The following CFDP1 variants were observed in gnomAD, a reference collection of about 807,000 sequenced individuals.
CFDP1 encodes the protein chromatin remodeling protein CFDP1, also known as heterochromatin-stabilizing protein CFDP1.
A neutral mutation model predicts 40.1 loss-of-function variants in CFDP1; 31 were observed. That is an observed-to-expected ratio of 0.77 (90% CI 0.58 to 1.04). The LOEUF is 1.04. Among genes scored for constraint, CFDP1 ranks in the 50% least tolerant of loss-of-function variants. The pLI is 0.00. For missense variants in CFDP1, 423 were observed against 343.4 expected (o/e 1.23, Z -1.83); for synonymous variants, 167 against 120.0 (o/e 1.39, Z -2.56).
At chr16:75,312,831 A>T (rs931495985) in intron 5 of CFDP1, among the ~76,000 whole-genome samples, 2 of 152,182 alleles carry the variant, frequency 1.3e-5, no homozygotes, top group African/African-American at 4.8e-5. Flanking sequence ...TGTAATTACT[A>T]AGACATGGAC....
chr16:75,305,011 T>C lies in CFDP1; in HGVS notation c.809+13A>G, dbSNP rs3743608. 22 of 1,613,150 alleles carry C rather than the reference T, an allele frequency of 1.4e-5. No homozygotes were observed. The East Asian group carries it at 4.7e-4, about 34-fold the overall frequency. The stretch of plus-strand genomic sequence containing the variant: ...TGAGGATTTTCCAAGGCATAAAACC[T>C]ACTCCTTCTTACCCCTCTTTCCCTC... On this transcript the variant is annotated intron_variant, in intron 6 of 6. Coordinates refer to ENST00000283882, the MANE Select transcript of CFDP1 (RefSeq NM_006324.3).
chr16:75,308,420 G>A (rs148130999), intron 5 of CFDP1, among the ~76,000 whole-genome samples: 256 of 152,252 alleles, frequency 1.7e-3, no homozygotes, highest in Non-Finnish European at 2.9e-3. Context: ...GTTCTGCTTT[G>A]AGGGGACTCT....
At chr16:75,327,460 GGACAGAAGGT>G (rs146960781) in intron 5 of CFDP1, among the ~76,000 whole-genome samples, 7,122 of 152,088 alleles carry the variant, frequency 0.047, 506 homozygotes, top group African/African-American at 0.16. Flanking sequence ...TGGGGGAAGG[GGACAGAAGGT>G]GAAGGATGGG....
intron 5 of CFDP1, among the ~76,000 whole-genome samples, chr16:75,370,259 A>T (rs2078742186): frequency 6.7e-6 from 1 of 150,212 alleles, no homozygotes; most frequent in African/African-American, 2.5e-5. Context: ...CACCCAGCTA[A>T]TTTTTGTATT....
chr16:75,327,328 C>G (rs936825457), intron 5 of CFDP1, among the ~76,000 whole-genome samples: 1 of 151,962 alleles, frequency 6.6e-6, no homozygotes, highest in African/African-American at 2.4e-5. Context: ...ATCCAAGAAA[C>G]AGAGTTCCAC....
At position 75,427,848 on chromosome 16, in the gene CFDP1, T is replaced by A. The variant is rs11862684; in HGVS notation, c.64+5441A>T. 3.3e-5 allele frequency among the ~76,000 whole-genome samples: 5 copies of A among 152,162 alleles called. No homozygotes were observed. The East Asian group carries it at 5.8e-4, about 18-fold the overall frequency. ...AAAAAATTGGAAACAACCCAGTGTC[T>A]TTCAAATGCAGAATAAACTGTGGTA... On this transcript the variant is annotated intron_variant, in intron 1 of 6. Coordinates refer to ENST00000283882, the MANE Select transcript of CFDP1 (RefSeq NM_006324.3).
Position 75,395,099 on chromosome 16 carries a change from G to T in CFDP1, c.641C>A (p.Ala214Asp), listed in dbSNP as rs781735213. Reference protein sequence around the residue: ...NVPSALPSLPAGSGLKRSSGM... With the variant: ...NVPSALPSLPDGSGLKRSSGM... ...AGACTCAAATACTCACCCTGACCCG[G>T]CAGGGAGTGATGGCAGAGCTGAAGG... Residue 214 changes from alanine (A) to aspartate (D), a missense_variant, in exon 5 of 7, where the codon GCC becomes GAC. Coordinates refer to ENST00000283882, the MANE Select transcript of CFDP1 (RefSeq NM_006324.3). 1.2e-6 allele frequency: 2 copies of T among 1,613,716 alleles called. No homozygotes were observed. The highest frequency in any genetic ancestry group is 2.2e-5 in the South Asian group (2 of 91,070).
At chr16:75,348,569 G>GC (rs2151524466) in intron 5 of CFDP1, among the ~76,000 whole-genome samples, 1 of 151,812 alleles carries the variant, frequency 6.6e-6, no homozygotes, top group South Asian at 2.1e-4. Context: ...ACCATAAGTT[G>GC]TTTTTTTCTT....
At chr16:75,417,545 T>C (rs2079221433) in intron 1 of CFDP1, among the ~76,000 whole-genome samples, 1 of 152,192 alleles carries the variant, frequency 6.6e-6, no homozygotes, top group South Asian at 2.1e-4. Context: ...CTTATATTTG[T>C]TTGTATATGG....
chr16:75,422,202 T>C (rs2079288091), intron 1 of CFDP1, among the ~76,000 whole-genome samples: 2 of 152,114 alleles, frequency 1.3e-5, no homozygotes, highest in South Asian at 4.1e-4. Flanking sequence ...GTTCAAGCTA[T>C]TCTCCTGCCT....
intron 1 of CFDP1, among the ~76,000 whole-genome samples, chr16:75,420,135 A>C (rs1246846308): frequency 6.6e-6 from 1 of 151,222 alleles, no homozygotes; most frequent in Non-Finnish European, 1.5e-5. Context: ...AAAAAAAAAA[A>C]ATTAAAAAGC....
chr16:75,319,466 A>ATGGTCGT (rs1240494301), intron 5 of CFDP1, among the ~76,000 whole-genome samples: 2 of 152,098 alleles, frequency 1.3e-5, no homozygotes, highest in Non-Finnish European at 2.9e-5. Flanking sequence ...AACGTGCTTT[A>ATGGTCGT]TGGTCGTTGC....
rs916018051 is a variant in CFDP1, at chr16:75,302,902, GT to G, written c.809+2121del. Among the ~76,000 whole-genome samples, 9 of 150,830 alleles carry G rather than the reference GT, an allele frequency of 6.0e-5. No individual in the cohort carries two copies. The East Asian group carries it at 9.8e-4, about 16-fold the overall frequency. On this transcript the variant is annotated intron_variant, in intron 6 of 6. Coordinates refer to ENST00000283882, the MANE Select transcript of CFDP1 (RefSeq NM_006324.3). ...ACAAGCTCATGAAGCTGTTTAAAAT[GT>G]TTTTTTTTAGGGCTGGGCGTGGTGG...
At chr16:75,303,792 T>C (rs1340613431) in intron 6 of CFDP1, among the ~76,000 whole-genome samples, 1 of 152,114 alleles carries the variant, frequency 6.6e-6, no homozygotes, top group African/African-American at 2.4e-5. Context: ...CACAACCACA[T>C]AGTGAGGATG....
At chr16:75,408,198 C>A (rs1049782529) in intron 4 of CFDP1, among the ~76,000 whole-genome samples, 1 of 152,012 alleles carries the variant, frequency 6.6e-6, no homozygotes, top group Non-Finnish European at 1.5e-5. Context: ...TATCCAGATT[C>A]ATTGCAGATA....
intron 5 of CFDP1, among the ~76,000 whole-genome samples, chr16:75,385,698 G>A (rs72787138): frequency 0.032 from 4,826 of 152,172 alleles, 117 homozygotes; most frequent in Middle Eastern, 0.054. Context: ...TGCCAAAGAC[G>A]AGCTATCTTT....
Position 75,395,212 on chromosome 16 carries a change from G to A in CFDP1, c.531-3C>T. The A allele has an allele frequency of 6.2e-7, 1 of 1,612,598 alleles. No homozygotes were observed. Among genetic ancestry groups the A allele is most frequent in the Non-Finnish European group, 8.5e-7 (1 of 1,179,198 alleles). ...TAGCATCCACTTCCTTAGTTACCCT[G>A]TGCCAAGGAAAAAGACATCAAGCTT... On this transcript the variant is annotated splice_region_variant and splice_polypyrimidine_tract_variant and intron_variant, in intron 4 of 6. Coordinates refer to ENST00000283882, the MANE Select transcript of CFDP1 (RefSeq NM_006324.3).
chr16:75,333,006 C>T lies in CFDP1; in HGVS notation c.651-27824G>A, dbSNP rs1490530787. Reference sequence around the variant, plus strand: ...TATTTTCAGTAGAGATGGGGTTTCACCATGTTAGCCAGGCTGGTCTCGAAC... The same window carrying T: ...TATTTTCAGTAGAGATGGGGTTTCATCATGTTAGCCAGGCTGGTCTCGAAC... On this transcript the variant is annotated intron_variant, in intron 5 of 6. Coordinates refer to ENST00000283882, the MANE Select transcript of CFDP1 (RefSeq NM_006324.3). Among the ~76,000 whole-genome samples the T allele has an allele frequency of 2.0e-5, 3 of 151,938 alleles. No individual in the cohort carries two copies. In the East Asian group the frequency reaches 5.8e-4, roughly 29 times the overall value.
chr16:75,315,277 A>T (rs1464917300), intron 5 of CFDP1, among the ~76,000 whole-genome samples: 5 of 132,322 alleles, frequency 3.8e-5, no homozygotes, highest in African/African-American at 1.1e-4. Context: ...GGTTGCCGTG[A>T]GCAGAGATCA....
Sources: gnomAD v4.1 joint callset for allele counts (sites outside exome capture counted in the v4.1 genomes callset) on GRCh38, gnomAD v4.1.1 for gene constraint, MANE v1.5 for transcripts, NCBI Gene and HGNC (gene_info 2026-07-23, HGNC 2026-07-21) for gene names.